The following DLG2 variants were observed in gnomAD, a reference collection of about 807,000 sequenced individuals.
DLG2 encodes discs large MAGUK scaffold protein 2.
In DLG2, 45 loss-of-function variants were observed where a neutral mutation model predicts 132.5. That is an observed-to-expected ratio of 0.34 (90% confidence interval 0.27 to 0.44). The LOEUF (loss-of-function observed/expected upper bound fraction) is 0.44, where lower values mean the gene tolerates loss of function less well. Among genes scored for constraint, DLG2 ranks in the 20% least tolerant of loss-of-function variants. The pLI, the probability that DLG2 is intolerant of heterozygous loss-of-function variation, is 1.00. For synonymous variants in DLG2, 424 were observed against 419.6 expected (o/e 1.01, Z -0.13); for missense variants, 1,045 against 1,196.9 (o/e 0.87, Z 1.87).
At chr11:83,860,260 C>T (rs563017358) in intron 16 of DLG2, among the ~76,000 whole-genome samples, 136 of 152,224 alleles carry the variant, frequency 8.9e-4, no homozygotes, top group African/African-American at 2.7e-3. Context: ...TTGCATTATG[C>T]GCCTGAAGAA....
intron 13 of DLG2, among the ~76,000 whole-genome samples, chr11:83,963,739 C>T (rs1013593839): frequency 6.6e-6 from 1 of 151,878 alleles, no homozygotes; most frequent in Admixed American, 6.6e-5. Context: ...TTTTAATACC[C>T]CCCAACACAT....
At chr11:84,940,591 G>C (rs777296717) in intron 6 of DLG2, among the ~76,000 whole-genome samples, 1 of 152,102 alleles carries the variant, frequency 6.6e-6, no homozygotes, top group Non-Finnish European at 1.5e-5. Context: ...CTTTCCTATT[G>C]AGTTATTTGA....
chr11:83,488,322 G>T lies in DLG2; in HGVS notation c.2194-4094C>A, dbSNP rs138946433. On this transcript the variant is annotated intron_variant, in intron 21 of 27. Coordinates refer to ENST00000376104, the MANE Select transcript of DLG2 (RefSeq NM_001142699.3). ...ACCTTTCATGTTGTGACAGACATTA[G>T]AACACCCATACTAGGAGTCACTATT... Among the ~76,000 whole-genome samples, 97 of 152,000 alleles carry T rather than the reference G, an allele frequency of 6.4e-4. 1 individual carries two copies. In the East Asian group the frequency reaches 0.013, roughly 20 times the overall value.
intron 3 of DLG2, among the ~76,000 whole-genome samples, chr11:85,365,197 C>G (rs1396752857): frequency 2.0e-5 from 3 of 152,144 alleles, no homozygotes; most frequent in Admixed American, 6.6e-5. Flanking sequence ...AGGAGCGGCT[C>G]TTTTTGTAAT....
At chr11:83,465,084 A>T (rs1347575595) in intron 26 of DLG2, among the ~76,000 whole-genome samples, 1 of 152,132 alleles carries the variant, frequency 6.6e-6, no homozygotes, top group Non-Finnish European at 1.5e-5. Flanking sequence ...TCATTAGTAC[A>T]TATTTTTCCA....
intron 8 of DLG2, 51 bp from the exon 9 acceptor site, chr11:84,163,562 G>A: frequency 6.9e-7 from 1 of 1,440,168 alleles, no homozygotes; most frequent in Non-Finnish European, 9.5e-7. Flanking sequence ...ATGTTGAGGA[G>A]GAGACAGCTG....
chr11:84,219,055 C>T (rs2096878417), intron 8 of DLG2, among the ~76,000 whole-genome samples: 1 of 152,182 alleles, frequency 6.6e-6, no homozygotes, highest in Non-Finnish European at 1.5e-5. Flanking sequence ...AAACACATTA[C>T]ATAATCAATC....
chr11:84,459,285 T>C (rs1344398165), intron 7 of DLG2, among the ~76,000 whole-genome samples: 1 of 150,778 alleles, frequency 6.6e-6, no homozygotes, highest in East Asian at 1.9e-4. Flanking sequence ...GCACCAGCAG[T>C]ATACCATTTT....
At chr11:84,909,020 C>A (rs115090075) in intron 6 of DLG2, among the ~76,000 whole-genome samples, 3,277 of 151,896 alleles carry the variant, frequency 0.022, 131 homozygotes, top group African/African-American at 0.075. Flanking sequence ...GGCAGGGTTA[C>A]TAAAGCTAAC....
intron 3 of DLG2, among the ~76,000 whole-genome samples, chr11:85,522,514 A>G (rs376175937): frequency 3.7e-4 from 56 of 152,204 alleles, no homozygotes; most frequent in African/African-American, 1.1e-3. Flanking sequence ...AGAATAGTAG[A>G]TCCACCAACA....
intron 8 of DLG2, among the ~76,000 whole-genome samples, chr11:84,204,555 C>T (rs2096640854): frequency 2.0e-5 from 3 of 151,838 alleles, no homozygotes; most frequent in South Asian, 4.2e-4. Flanking sequence ...ACAGAAGAAA[C>T]AGATAAATTA....
At chr11:85,164,457 T>C (rs2078276906) in intron 4 of DLG2, among the ~76,000 whole-genome samples, 1 of 152,142 alleles carries the variant, frequency 6.6e-6, no homozygotes, top group Admixed American at 6.5e-5. Flanking sequence ...TCATGACTGA[T>C]TCTCTATTTG....
intron 4 of DLG2, among the ~76,000 whole-genome samples, chr11:85,185,897 T>A (rs2080059501): frequency 6.6e-6 from 1 of 151,994 alleles, no homozygotes; most frequent in East Asian, 1.9e-4. Flanking sequence ...ACTTCTCTAT[T>A]TCATAGGTAA....
At chr11:85,413,899 A>G (rs957069587) in intron 3 of DLG2, among the ~76,000 whole-genome samples, 1 of 151,918 alleles carries the variant, frequency 6.6e-6, no homozygotes, top group Non-Finnish European at 1.5e-5. Flanking sequence ...TTTTGGTTCT[A>G]TATGACATTT....
chr11:83,990,184 T>A (rs561754646), intron 11 of DLG2, among the ~76,000 whole-genome samples: 1 of 152,208 alleles, frequency 6.6e-6, no homozygotes, highest in Admixed American at 6.5e-5. Flanking sequence ...TTCAGTACTC[T>A]AGTAAAAGAA....
At chr11:83,892,870 A>G (rs1314267237) in intron 15 of DLG2, among the ~76,000 whole-genome samples, 5 of 152,170 alleles carry the variant, frequency 3.3e-5, no homozygotes, top group African/African-American at 1.2e-4. Flanking sequence ...ATGACAAAGG[A>G]AAAAATAAAG....
At chr11:85,579,165 T>C (rs1301996625) in intron 3 of DLG2, among the ~76,000 whole-genome samples, 1 of 152,094 alleles carries the variant, frequency 6.6e-6, no homozygotes, top group African/African-American at 2.4e-5. Context: ...TTCTCACTTA[T>C]AAGTGAGAGC....
At chr11:84,835,656 G>A (rs974922355) in intron 6 of DLG2, among the ~76,000 whole-genome samples, 1 of 151,594 alleles carries the variant, frequency 6.6e-6, no homozygotes, top group African/African-American at 2.4e-5. Context: ...TCATACAGCT[G>A]GCTGTACTGG....
At chr11:84,613,587 C>A (rs550282065) in intron 6 of DLG2, among the ~76,000 whole-genome samples, 1 of 152,284 alleles carries the variant, frequency 6.6e-6, no homozygotes, top group South Asian at 2.1e-4. Flanking sequence ...CACATAGTGA[C>A]CACTCACTAA....
Sources: allele counts gnomAD v4.1 joint callset (sites outside exome capture counted in the v4.1 genomes callset), GRCh38; gene constraint gnomAD v4.1.1; transcripts MANE v1.5; gene names NCBI Gene and HGNC (gene_info 2026-07-23, HGNC 2026-07-21).